Variants in RBFOX1 observed in about 807,000 individuals in gnomAD.
RBFOX1 encodes the protein RNA binding fox-1 homolog 1.
A neutral mutation model predicts 57.7 loss-of-function variants in RBFOX1; 8 were observed. That is an observed-to-expected ratio of 0.14 (90% CI 0.08 to 0.25). RBFOX1 has a LOEUF of 0.25. RBFOX1 is among the 10% of genes least tolerant of loss of function. The pLI is 1.00. For missense variants in RBFOX1, 611 were observed against 548.5 expected (o/e 1.11, Z -1.14); for synonymous variants, 326 against 222.4 (o/e 1.47, Z -4.15).
chr16:7,387,401 C>T (rs563978467), intron 4 of RBFOX1, among the ~76,000 whole-genome samples: 4 of 152,236 alleles, frequency 2.6e-5, no homozygotes, highest in South Asian at 4.2e-4. Context: ...GAATTGAGGC[C>T]GTCAGTCACT....
intron 1 of RBFOX1, among the ~76,000 whole-genome samples, chr16:6,094,573 A>C (rs544149099): frequency 6.6e-6 from 1 of 152,336 alleles, no homozygotes; most frequent in South Asian, 2.1e-4. Context: ...AGAAAGGGCT[A>C]GTTTTGAAGC....
At chr16:6,933,107 G>T (rs535622505) in intron 3 of RBFOX1, among the ~76,000 whole-genome samples, 43 of 152,214 alleles carry the variant, frequency 2.8e-4, no homozygotes, top group African/African-American at 9.6e-4. Flanking sequence ...ACATTCCATT[G>T]TATGTGTAAA....
chr16:6,080,178 G>C (rs368670940), intron 1 of RBFOX1, among the ~76,000 whole-genome samples: 24 of 152,196 alleles, frequency 1.6e-4, no homozygotes, highest in African/African-American at 5.8e-4. Flanking sequence ...GCAGGTTCAG[G>C]GTTTGCCATC....
At chr16:6,403,191 C>A (rs2093145049) in intron 2 of RBFOX1, among the ~76,000 whole-genome samples, 1 of 152,082 alleles carries the variant, frequency 6.6e-6, no homozygotes, top group Non-Finnish European at 1.5e-5. Flanking sequence ...GACTTGCAGG[C>A]CTGTATTCAA....
chr16:7,671,423 C>T (rs932484466), intron 13 of RBFOX1: 2 of 749,850 alleles, frequency 2.7e-6, no homozygotes, highest in African/African-American at 1.8e-5. Context: ...CTTGGTGGGC[C>T]AGTCCCAAGG....
intron 3 of RBFOX1, among the ~76,000 whole-genome samples, chr16:6,851,219 C>G (rs564994893): frequency 3.9e-5 from 6 of 152,108 alleles, no homozygotes; most frequent in African/African-American, 1.2e-4. Flanking sequence ...ATGTAGCATT[C>G]TTGAGTTTAA....
chr16:7,411,438 A>G (rs1229753254), intron 4 of RBFOX1, among the ~76,000 whole-genome samples: 1 of 152,138 alleles, frequency 6.6e-6, no homozygotes, highest in Non-Finnish European at 1.5e-5. Flanking sequence ...CAGGGCCCTA[A>G]CAGACTTAGC....
chr16:5,351,354 C>A (rs888506859), intron 1 of RBFOX1, among the ~76,000 whole-genome samples: 5 of 152,102 alleles, frequency 3.3e-5, no homozygotes, highest in African/African-American at 1.2e-4. Flanking sequence ...TTCACTGTAC[C>A]CCCTTTAGAG....
chr16:5,363,362 T>G (rs888133426), intron 1 of RBFOX1, among the ~76,000 whole-genome samples: 6 of 152,180 alleles, frequency 3.9e-5, no homozygotes, highest in African/African-American at 1.4e-4. Context: ...GATAAATATT[T>G]GGAAGTGGGA....
intron 4 of RBFOX1, among the ~76,000 whole-genome samples, chr16:5,966,321 G>T (rs755931708): frequency 2.6e-5 from 4 of 152,146 alleles, no homozygotes; most frequent in Non-Finnish European, 4.4e-5. Context: ...CAGGCTGTTC[G>T]GGAAGGGCAG....
At chr16:7,438,676 C>G (rs186891571) in intron 4 of RBFOX1, among the ~76,000 whole-genome samples, 1 of 152,296 alleles carries the variant, frequency 6.6e-6, no homozygotes, top group African/African-American at 2.4e-5. Context: ...CATTAAAACT[C>G]CTTTAACGTG....
intron 4 of RBFOX1, among the ~76,000 whole-genome samples, chr16:5,892,374 TC>T (rs1359935080): frequency 6.6e-6 from 1 of 152,170 alleles, no homozygotes; most frequent in African/African-American, 2.4e-5. Flanking sequence ...ATTGCTTACT[TC>T]CTGGATGACC....
At chr16:7,446,695 G>C (rs2098810342) in intron 4 of RBFOX1, among the ~76,000 whole-genome samples, 1 of 150,682 alleles carries the variant, frequency 6.6e-6, no homozygotes, top group African/African-American at 2.4e-5. Flanking sequence ...ACCCCATAGA[G>C]CAAACACCAG....
chr16:5,753,106 G>A (rs562529038), intron 3 of RBFOX1, among the ~76,000 whole-genome samples: 2 of 152,064 alleles, frequency 1.3e-5, no homozygotes, highest in Non-Finnish European at 2.9e-5. Flanking sequence ...ACTGCAGTGA[G>A]CTGTGATCAC....
At chr16:6,072,174 C>T (rs1047730980) in intron 1 of RBFOX1, among the ~76,000 whole-genome samples, 1 of 152,126 alleles carries the variant, frequency 6.6e-6, no homozygotes, top group Non-Finnish European at 1.5e-5. Context: ...CCCTTTATAA[C>T]ATCATCATCT....
At chr16:6,592,854 G>T (rs1170202983) in intron 2 of RBFOX1, among the ~76,000 whole-genome samples, 1 of 152,100 alleles carries the variant, frequency 6.6e-6, no homozygotes, top group Non-Finnish European at 1.5e-5. Context: ...CTGATTAGCT[G>T]TTTTTTTCTC....
rs564899038 is a variant in RBFOX1 at position 6,902,239 on chromosome 16, C to G, written c.-15-149818C>G. Among the ~76,000 whole-genome samples the G allele has an allele frequency of 3.9e-5, 6 of 152,222 alleles. No homozygotes were observed. In the South Asian group the frequency reaches 8.3e-4, roughly 21 times the overall value. The stretch of plus-strand genomic sequence containing the variant: ...AATCATTGTGTGGAATTACATGTAA[C>G]TCACAGTTTCTGTATTGAAGCCCCG... On this transcript the variant is annotated intron_variant, in intron 3 of 15. Coordinates refer to ENST00000550418, the MANE Select transcript of RBFOX1 (RefSeq NM_018723.4).
At chr16:7,530,136 G>C (rs1369238980) in intron 5 of RBFOX1, among the ~76,000 whole-genome samples, 2 of 152,022 alleles carry the variant, frequency 1.3e-5, no homozygotes, top group African/African-American at 4.8e-5. Flanking sequence ...GTTAGAGCTT[G>C]AGATGACTAT....
At chr16:5,435,638 G>C (rs2067893674) in intron 1 of RBFOX1, among the ~76,000 whole-genome samples, 1 of 152,112 alleles carries the variant, frequency 6.6e-6, no homozygotes. Flanking sequence ...CGTCACCATA[G>C]GTCCCATGTT....
Sources: allele counts gnomAD v4.1 joint callset (sites outside exome capture counted in the v4.1 genomes callset), GRCh38; gene constraint gnomAD v4.1.1; transcripts MANE v1.5; gene names NCBI Gene and HGNC (gene_info 2026-07-23, HGNC 2026-07-21).